PDE4D: variants seen among roughly 807,000 people sequenced by gnomAD.
PDE4D encodes the protein 3',5'-cyclic-AMP phosphodiesterase 4D.
Under a neutral mutation model 87.4 loss-of-function variants are expected in PDE4D, and 24 were observed. That is an observed-to-expected ratio of 0.27 (90% CI 0.20 to 0.39). The LOEUF is 0.39. Ranked by LOEUF, PDE4D falls within the 10% of genes least tolerant of loss-of-function variation. The pLI is 1.00. For synonymous variants in PDE4D, 384 were observed against 383.2 expected (o/e 1.00, Z -0.02); for missense variants, 714 against 1,041.0 (o/e 0.69, Z 4.32).
At chr5:59,755,139 C>G (rs1261634633) in intron 1 of PDE4D, among the ~76,000 whole-genome samples, 1 of 151,948 alleles carries the variant, frequency 6.6e-6, no homozygotes, top group Non-Finnish European at 1.5e-5. Context: ...TTTCCAAATC[C>G]CTTTCAGTAA....
chr5:59,143,063 AG>A (rs1778136854), intron 5 of PDE4D, among the ~76,000 whole-genome samples: 1 of 152,088 alleles, frequency 6.6e-6, no homozygotes, highest in African/African-American at 2.4e-5. Context: ...AGAGGAATGA[AG>A]TTACTTTTTA....
At chr5:60,483,831 C>T (rs1238646957) in intron 1 of PDE4D, among the ~76,000 whole-genome samples, 1 of 152,080 alleles carries the variant, frequency 6.6e-6, no homozygotes, top group Non-Finnish European at 1.5e-5. Context: ...ATTGTGATTC[C>T]TCTATAATTT....
chr5:59,918,519 G>A (rs1581732806), intron 3 of PDE4D, among the ~76,000 whole-genome samples: 1 of 152,292 alleles, frequency 6.6e-6, no homozygotes, highest in East Asian at 1.9e-4. Flanking sequence ...TGTGGCAAAA[G>A]TGATGCCCTG....
At chr5:58,985,690 CT>C (rs1561236379) in intron 11 of PDE4D, among the ~76,000 whole-genome samples, 5 of 152,182 alleles carry the variant, frequency 3.3e-5, no homozygotes, top group Non-Finnish European at 7.3e-5. Context: ...GCAGCTCCAG[CT>C]CTGAGGCAAG....
chr5:60,062,519 G>A (rs575576211), intron 2 of PDE4D, among the ~76,000 whole-genome samples: 2 of 152,194 alleles, frequency 1.3e-5, no homozygotes, highest in East Asian at 3.9e-4. Context: ...ACTCCTCAAG[G>A]ATCTAGAACC....
rs1049910619 is a variant in PDE4D at position 59,099,298 on chromosome 5, G to C, written c.809-60327C>G. On this transcript the variant is annotated intron_variant, in intron 5 of 14. Transcript: ENST00000340635. ...CAGAATTCAGATCCTTGATCTATCA[G>C]TAAAGATCCGGTTCTTTACTGGAGC... Among the ~76,000 whole-genome samples the C allele has an allele frequency of 2.0e-5, 3 of 152,298 alleles. No individual in the cohort carries two copies. The East Asian group carries it at 5.8e-4, about 29-fold the overall frequency.
intron 1 of PDE4D, among the ~76,000 whole-genome samples, chr5:60,375,064 C>T (rs967158644): frequency 1.3e-5 from 2 of 152,324 alleles, no homozygotes; most frequent in African/African-American, 4.8e-5. Context: ...CCTTGCCCTC[C>T]TTCTTGAAAC....
chr5:59,799,305 G>T (rs1473271446), intron 1 of PDE4D, among the ~76,000 whole-genome samples: 2 of 152,066 alleles, frequency 1.3e-5, no homozygotes, highest in Non-Finnish European at 2.9e-5. Context: ...TTTATGAAGA[G>T]GTATTTTATA....
At chr5:60,023,540 A>G (rs937946612) in intron 2 of PDE4D, among the ~76,000 whole-genome samples, 6 of 152,038 alleles carry the variant, frequency 3.9e-5, no homozygotes, top group African/African-American at 1.4e-4. Context: ...CCTGCTTCAC[A>G]TGCATCAATC....
intron 1 of PDE4D, among the ~76,000 whole-genome samples, chr5:59,791,752 G>A (rs1373274200): frequency 6.6e-6 from 1 of 152,158 alleles, no homozygotes; most frequent in Non-Finnish European, 1.5e-5. Flanking sequence ...GGAGGGAGCA[G>A]ACAGCCCCGG....
chr5:60,383,587 G>T (rs376331020), intron 1 of PDE4D, among the ~76,000 whole-genome samples: 10 of 152,198 alleles, frequency 6.6e-5, no homozygotes, highest in Non-Finnish European at 1.5e-4. Flanking sequence ...TATAGGTGAA[G>T]AATGTGAACT....
intron 2 of PDE4D, among the ~76,000 whole-genome samples, chr5:60,062,708 A>T (rs1037760204): frequency 2.6e-5 from 4 of 152,220 alleles, no homozygotes; most frequent in Non-Finnish European, 5.9e-5. Context: ...AATGTGGTAC[A>T]TATACACCAT....
At chr5:60,373,356 T>G (rs548622087) in intron 1 of PDE4D, among the ~76,000 whole-genome samples, 1 of 152,202 alleles carries the variant, frequency 6.6e-6, no homozygotes, top group African/African-American at 2.4e-5. Context: ...CACACTCCCC[T>G]GCCCCTCTAT....
chr5:59,816,611 G>T (rs938292220), intron 1 of PDE4D, among the ~76,000 whole-genome samples: 1 of 152,160 alleles, frequency 6.6e-6, no homozygotes, highest in Non-Finnish European at 1.5e-5. Context: ...TCTTTTTGGG[G>T]ATATACAATG....
chr5:60,021,619 A>G (rs1310083408), intron 2 of PDE4D: 1 of 152,192 alleles, frequency 6.6e-6, no homozygotes, highest in Non-Finnish European at 1.5e-5. Flanking sequence ...TAAATTTTAT[A>G]CCATCATTAG....
chr5:60,253,311 G>A (rs1170421323), intron 1 of PDE4D, among the ~76,000 whole-genome samples: 1 of 151,874 alleles, frequency 6.6e-6, no homozygotes, highest in Non-Finnish European at 1.5e-5. Flanking sequence ...CCACAAATAT[G>A]AAAGAGCAAG....
At chr5:59,031,486 T>A (rs1757495940) in intron 6 of PDE4D, among the ~76,000 whole-genome samples, 1 of 146,174 alleles carries the variant, frequency 6.8e-6, no homozygotes, top group Non-Finnish European at 1.5e-5. Context: ...GGCGGGCCGA[T>A]CACAAGGTCA....
At chr5:60,275,420 T>C (rs1183877014) in intron 1 of PDE4D, among the ~76,000 whole-genome samples, 1 of 152,134 alleles carries the variant, frequency 6.6e-6, no homozygotes, top group Non-Finnish European at 1.5e-5. Flanking sequence ...TGCATCATCC[T>C]TAGTGACTCA....
chr5:60,346,308 C>T (rs1410105292), intron 1 of PDE4D, among the ~76,000 whole-genome samples: 2 of 152,108 alleles, frequency 1.3e-5, no homozygotes, highest in Non-Finnish European at 2.9e-5. Flanking sequence ...GATGTGGGTC[C>T]TGCTGGTGAC....
Sources: gnomAD v4.1 joint callset for allele counts (sites outside exome capture counted in the v4.1 genomes callset) on GRCh38, gnomAD v4.1.1 for gene constraint, MANE v1.5 for transcripts, NCBI Gene and HGNC (gene_info 2026-07-23, HGNC 2026-07-21) for gene names.